Variants in LIN7A observed in about 807,000 individuals in gnomAD.
The protein encoded by LIN7A is protein lin-7 homolog A.
LIN7A carries 25 observed loss-of-function variants against 29.8 expected under a neutral mutation model. The ratio of observed to expected loss-of-function variants is 0.84; its 90% CI spans 0.61 to 1.17. The LOEUF is 1.17. LIN7A is among the 50% of genes most tolerant of loss of function. LIN7A has a pLI of 0.00. For synonymous variants in LIN7A, 118 were observed against 107.5 expected, an observed-to-expected ratio of 1.10 and a Z score of -0.60; for missense variants, 239 against 287.0, an observed-to-expected ratio of 0.83 and a Z score of 1.21.
At chr12:80,813,395 ACTG>A (rs1412565051) in intron 4 of LIN7A, among the ~76,000 whole-genome samples, 1 of 152,202 alleles carries the variant, frequency 6.6e-6, no homozygotes, top group African/African-American at 2.4e-5. Flanking sequence ...TTGGACTCAG[ACTG>A]CTAATAACTT....
At chr12:80,922,616 A>G (rs912207101) in intron 1 of LIN7A, among the ~76,000 whole-genome samples, 3 of 152,222 alleles carry the variant, frequency 2.0e-5, no homozygotes, top group Non-Finnish European at 4.4e-5. Context: ...AATCTGAGAT[A>G]GTTAATTTTA....
intron 3 of LIN7A, among the ~76,000 whole-genome samples, chr12:80,847,880 T>A (rs147461240): frequency 8.0e-4 from 122 of 152,312 alleles, no homozygotes; most frequent in South Asian, 1.5e-3. Flanking sequence ...CTATTTGAAA[T>A]CAAATCTTTA....
intron 1 of LIN7A, among the ~76,000 whole-genome samples, chr12:80,905,675 C>T (rs984491000): frequency 4.6e-5 from 7 of 152,128 alleles, no homozygotes; most frequent in African/African-American, 1.7e-4. Context: ...ACATAGTTGG[C>T]TCTAGGTTTA....
chr12:80,937,235 G>A (rs1878285672), intron 1 of LIN7A: 1 of 178,092 alleles, frequency 5.6e-6, no homozygotes, highest in Non-Finnish European at 1.2e-5. Context: ...CTGACAGGCG[G>A]CTCCCTCGCC....
At chr12:80,913,570 C>T (rs924543203) in intron 1 of LIN7A, among the ~76,000 whole-genome samples, 6 of 152,112 alleles carry the variant, frequency 3.9e-5, no homozygotes, top group Admixed American at 6.6e-5. Context: ...GCTAAAACAG[C>T]GAGGAATTCC....
intron 5 of LIN7A, among the ~76,000 whole-genome samples, chr12:80,800,204 T>A (rs1870647351): frequency 6.6e-6 from 1 of 151,644 alleles, no homozygotes; most frequent in South Asian, 2.1e-4. Context: ...AAAGACACAG[T>A]CTGGGCCGGG....
chr12:80,801,579 A>G (rs1870723309), intron 5 of LIN7A, among the ~76,000 whole-genome samples: 1 of 152,210 alleles, frequency 6.6e-6, no homozygotes, highest in Admixed American at 6.5e-5. Flanking sequence ...TAAATTTGTG[A>G]TGTATAAATA....
At position 80,877,299 on chromosome 12, in the gene LIN7A, G is replaced by A. The variant is rs145284028; in HGVS notation, c.201+11952C>T. Among the ~76,000 whole-genome samples the A allele has an allele frequency of 3.2e-3, 480 of 152,160 alleles. 1 individual carries two copies. Among genetic ancestry groups the A allele is most frequent in the Non-Finnish European group, 3.4e-3 (232 of 68,004 alleles). ...CTCAAATGTCCATCTATAAGAGACA[G>A]TGATTTTATAAACTGTGATATCTTC... On this transcript the variant is annotated intron_variant, in intron 2 of 5. Transcript: ENST00000552864.
chr12:80,904,123 T>G lies in LIN7A; in HGVS notation c.83-14754A>C, dbSNP rs185589432. Among the ~76,000 whole-genome samples, 32 of 152,114 alleles carry G rather than the reference T, an allele frequency of 2.1e-4. 1 individual carries two copies. On this transcript the variant is annotated intron_variant, in intron 1 of 5. Coordinates refer to ENST00000552864, the MANE Select transcript of LIN7A (RefSeq NM_004664.4). ...TGAAAATAACTCAAAATAATATAACTAAATTAATAATTTTAGCTTAAATAA... is the reference window on the plus strand; with the variant it reads ...TGAAAATAACTCAAAATAATATAACGAAATTAATAATTTTAGCTTAAATAA...
At chr12:80,825,576 G>C (rs1005054827) in intron 4 of LIN7A, among the ~76,000 whole-genome samples, 10 of 152,170 alleles carry the variant, frequency 6.6e-5, no homozygotes, top group African/African-American at 2.4e-4. Flanking sequence ...AAGCTAGGGG[G>C]TTCTATAAAA....
chr12:80,882,474 C>T (rs1453643210), intron 2 of LIN7A, among the ~76,000 whole-genome samples: 12 of 149,384 alleles, frequency 8.0e-5, no homozygotes, highest in Non-Finnish European at 1.3e-4. Context: ...TTAGTAGAGA[C>T]GGGGTTTCAC....
At chr12:80,832,055 T>C (rs1055214574) in intron 4 of LIN7A, among the ~76,000 whole-genome samples, 5 of 152,196 alleles carry the variant, frequency 3.3e-5, no homozygotes, top group African/African-American at 7.2e-5. Context: ...AGTGGTCAAA[T>C]AGATATTGTG....
chr12:80,840,945 T>C (rs1293748115), intron 4 of LIN7A, among the ~76,000 whole-genome samples: 1 of 152,218 alleles, frequency 6.6e-6, no homozygotes, highest in African/African-American at 2.4e-5. Flanking sequence ...TTTCTCCATT[T>C]AGAGAGCTTT....
chr12:80,867,850 G>A (rs919701480), intron 2 of LIN7A, among the ~76,000 whole-genome samples: 1 of 152,060 alleles, frequency 6.6e-6, no homozygotes, highest in Non-Finnish European at 1.5e-5. Flanking sequence ...TTTGTGCCTC[G>A]CTAGTAGTAC....
intron 1 of LIN7A, among the ~76,000 whole-genome samples, chr12:80,917,153 A>C (rs1877067369): frequency 6.6e-6 from 1 of 152,190 alleles, no homozygotes; most frequent in African/African-American, 2.4e-5. Context: ...TATCTAAGGA[A>C]AAAGCATTTC....
At chr12:80,833,211 C>T (rs948228302) in intron 4 of LIN7A, among the ~76,000 whole-genome samples, 1 of 152,194 alleles carries the variant, frequency 6.6e-6, no homozygotes, top group Non-Finnish European at 1.5e-5. Context: ...ACAACACAAC[C>T]TCCAAGTACT....
chr12:80,832,604 A>T (rs1425533307), intron 4 of LIN7A: 2 of 466,314 alleles, frequency 4.3e-6, no homozygotes, highest in East Asian at 1.3e-4. Flanking sequence ...CCACCTTCAA[A>T]TGGGAAGTCT....
At chr12:80,860,295 C>T (rs1215282761) in intron 2 of LIN7A, among the ~76,000 whole-genome samples, 1 of 152,084 alleles carries the variant, frequency 6.6e-6, no homozygotes, top group African/African-American at 2.4e-5. Flanking sequence ...GAATCATGTT[C>T]AATACTGAAA....
Position 80,796,429 on chromosome 12 carries a change from A to C in LIN7A, c.*1298T>G, listed in dbSNP as rs2121466072. The C allele has an allele frequency of 6.6e-6, 1 of 152,258 alleles. No homozygotes were observed. Among genetic ancestry groups the C allele is most frequent in the East Asian group, 1.9e-4 (1 of 5,186 alleles). 9.4% of individuals were successfully genotyped at this position (152,258 alleles called of 1,614,324 possible). Reference sequence around the variant, plus strand: ...CATAAACCAAAAATTATGACCTGTAAATGTAGTTATAACAGATTATTTTCC... The same window carrying C: ...CATAAACCAAAAATTATGACCTGTACATGTAGTTATAACAGATTATTTTCC... On this transcript the variant is annotated 3_prime_UTR_variant, in exon 6 of 6. Transcript: ENST00000552864.
Sources: allele counts gnomAD v4.1 joint callset (sites outside exome capture counted in the v4.1 genomes callset), GRCh38; gene constraint gnomAD v4.1.1; transcripts MANE v1.5; gene names NCBI Gene and HGNC (gene_info 2026-07-23, HGNC 2026-07-21).